Variants in EMC2 observed in about 807,000 individuals in gnomAD.
EMC2 encodes the protein ER membrane protein complex subunit 2.
EMC2 carries 37 observed loss-of-function variants against 51.6 expected under a neutral mutation model. The observed-to-expected ratio is 0.72, with a 90% CI of 0.55 to 0.94. The LOEUF (loss-of-function observed/expected upper bound fraction) is 0.94, where lower values mean the gene tolerates loss of function less well. EMC2 is among the 40% of genes least tolerant of loss of function. The probability of loss-of-function intolerance (pLI) is 0.00; values close to 1 mark genes in which losing one functional copy is unlikely to be tolerated. For missense variants in EMC2, 359 were observed against 350.9 expected, an observed-to-expected ratio of 1.02 and a Z score of -0.18; for synonymous variants, 131 against 112.4, an observed-to-expected ratio of 1.17 and a Z score of -1.04.
chr8:108,451,027 C>A (rs1197548826), intron 3 of EMC2, among the ~76,000 whole-genome samples: 1 of 152,058 alleles, frequency 6.6e-6, no homozygotes, highest in Non-Finnish European at 1.5e-5. Flanking sequence ...CGTGGTGAAA[C>A]CCCGTCTCTA....
At chr8:108,449,975 C>A in intron 2 of EMC2, 39 bp downstream of exon 2, 2 of 676,886 alleles carry the variant, frequency 3.0e-6, no homozygotes, top group Non-Finnish European at 4.8e-6. Context: ...GTACATGCCT[C>A]ATTCATGGGC....
At chr8:108,457,219 A>G (rs547191747) in intron 5 of EMC2, among the ~76,000 whole-genome samples, 2 of 152,102 alleles carry the variant, frequency 1.3e-5, no homozygotes, top group African/African-American at 2.4e-5. Context: ...ATAGTTGCTT[A>G]CTTTTAGTCT....
rs557364919 is a variant in EMC2 at position 108,462,651 on chromosome 8, T to G, written c.363+6721T>G. Among the ~76,000 whole-genome samples, 3 of 152,286 alleles carry G rather than the reference T, an allele frequency of 2.0e-5. No individual in the cohort carries two copies. In the South Asian group the frequency reaches 6.2e-4, roughly 32 times the overall value. On this transcript the variant is annotated intron_variant, in intron 5 of 10. Coordinates refer to ENST00000220853, the MANE Select transcript of EMC2 (RefSeq NM_014673.5). ...CCTGCCACGTGGTATATTATCAGCT[T>G]TTTTCTTTTAATAGTTGCCAGTCTA...
chr8:108,478,372 T>C (rs1276942880), intron 9 of EMC2, among the ~76,000 whole-genome samples: 3 of 151,998 alleles, frequency 2.0e-5, no homozygotes, highest in Admixed American at 2.0e-4. Flanking sequence ...AGAGGGTGGA[T>C]CAAATTGCAG....
At chr8:108,464,766 A>G (rs1819427073) in intron 5 of EMC2, among the ~76,000 whole-genome samples, 1 of 152,244 alleles carries the variant, frequency 6.6e-6, no homozygotes, top group Non-Finnish European at 1.5e-5. Flanking sequence ...ACTGCAGGCA[A>G]CAATGCTGCT....
At chr8:108,486,037 A>G (rs1361216421) in intron 10 of EMC2, among the ~76,000 whole-genome samples, 1 of 151,898 alleles carries the variant, frequency 6.6e-6, no homozygotes, top group African/African-American at 2.4e-5. Context: ...AAATAATTTT[A>G]GAGAGTACTT....
chr8:108,470,478 A>G (rs780115518), intron 7 of EMC2, among the ~76,000 whole-genome samples: 2 of 152,200 alleles, frequency 1.3e-5, no homozygotes, highest in Non-Finnish European at 2.9e-5. Flanking sequence ...TTGTTCTTAT[A>G]TACAAAGAGT....
At chr8:108,470,572 A>G (rs1380560997) in intron 7 of EMC2, among the ~76,000 whole-genome samples, 1 of 152,166 alleles carries the variant, frequency 6.6e-6, no homozygotes, top group African/African-American at 2.4e-5. Flanking sequence ...CTTCCAAAGT[A>G]GAAGCATTCT....
intron 5 of EMC2, among the ~76,000 whole-genome samples, chr8:108,467,389 C>T (rs572116590): frequency 6.6e-5 from 10 of 151,732 alleles, no homozygotes; most frequent in Non-Finnish European, 1.0e-4. Context: ...CGCTCTGTCG[C>T]CCAGGCTGGA....
At chr8:108,485,402 G>A (rs1811115632) in intron 10 of EMC2, among the ~76,000 whole-genome samples, 2 of 141,296 alleles carry the variant, frequency 1.4e-5, no homozygotes, top group Admixed American at 1.4e-4. Flanking sequence ...GGAGAAAATG[G>A]GTAACATATA....
Position 108,469,810 on chromosome 8 carries a change from T to C in EMC2, c.364-16T>C, listed in dbSNP as rs763960443. The C allele has an allele frequency of 6.2e-6, 10 of 1,609,610 alleles. No individual in the cohort carries two copies. The highest frequency in any genetic ancestry group is 7.7e-6 in the Non-Finnish European group (9 of 1,176,270). On this transcript the variant is annotated splice_polypyrimidine_tract_variant and intron_variant, in intron 5 of 10. Coordinates refer to ENST00000220853, the MANE Select transcript of EMC2 (RefSeq NM_014673.5). Reference sequence around the variant, plus strand: ...GAATCATAAGGGCCTAATCCTTTATTAATGTCAACCCACAGGCTGCAAGAA... The same window carrying C: ...GAATCATAAGGGCCTAATCCTTTATCAATGTCAACCCACAGGCTGCAAGAA...
intron 5 of EMC2, among the ~76,000 whole-genome samples, chr8:108,465,013 T>C (rs1563696895): frequency 6.6e-6 from 1 of 152,186 alleles, no homozygotes; most frequent in Non-Finnish European, 1.5e-5. Context: ...TTATAGATTG[T>C]ATTTTGCCGG....
At chr8:108,447,462 C>T (rs780165698) in intron 1 of EMC2, among the ~76,000 whole-genome samples, 2 of 152,060 alleles carry the variant, frequency 1.3e-5, no homozygotes, top group South Asian at 4.1e-4. Flanking sequence ...CTGTAATTAT[C>T]AACCTTTTAA....
intron 5 of EMC2, among the ~76,000 whole-genome samples, chr8:108,466,363 T>G (rs1586185881): frequency 6.6e-6 from 1 of 151,680 alleles, no homozygotes; most frequent in South Asian, 2.1e-4. Flanking sequence ...ATGTGAAGAC[T>G]AATAACTTGT....
At chr8:108,444,568 T>G (rs932027410) in intron 1 of EMC2, among the ~76,000 whole-genome samples, 5 of 152,300 alleles carry the variant, frequency 3.3e-5, no homozygotes, top group East Asian at 1.9e-4. Flanking sequence ...AACGAATGCC[T>G]TCTTGGGATG....
chr8:108,448,687 T>C (rs1368414477), intron 1 of EMC2, among the ~76,000 whole-genome samples: 1 of 152,200 alleles, frequency 6.6e-6, no homozygotes, highest in African/African-American at 2.4e-5. Flanking sequence ...TTGCCCAGTC[T>C]CGGGTACGTC....
intron 7 of EMC2, 109 bp from the exon 8 acceptor site, chr8:108,475,773 G>T: frequency 1.7e-6 from 1 of 596,086 alleles, no homozygotes. Context: ...ATTATATTGG[G>T]AATAAATTGT....
chr8:108,459,879 A>T (rs1335539032), intron 5 of EMC2, among the ~76,000 whole-genome samples: 1 of 152,164 alleles, frequency 6.6e-6, no homozygotes, highest in African/African-American at 2.4e-5. Context: ...AATAAGAAAT[A>T]GCTTCTATAA....
chr8:108,450,061 C>A, intron 2 of EMC2, 125 bp downstream of exon 2: 6 of 509,802 alleles, frequency 1.2e-5, no homozygotes, highest in South Asian at 9.7e-5. Flanking sequence ...GACTTTTTGT[C>A]CCAAGAATTT....
Sources: gnomAD v4.1 joint callset for allele counts (sites outside exome capture counted in the v4.1 genomes callset) on GRCh38, gnomAD v4.1.1 for gene constraint, MANE v1.5 for transcripts, NCBI Gene and HGNC (gene_info 2026-07-23, HGNC 2026-07-21) for gene names.